Variants in ZNF527 observed in about 807,000 individuals in gnomAD.
The protein encoded by ZNF527 is zinc finger protein 527.
A neutral mutation model predicts 13.5 loss-of-function variants in ZNF527; 5 were observed. The observed-to-expected ratio is 0.37, with a 90% confidence interval of 0.19 to 0.78. ZNF527 has a LOEUF of 0.78. Among genes scored for constraint, ZNF527 ranks in the 30% least tolerant of loss-of-function variants. The pLI is 0.48. For missense variants in ZNF527, 628 were observed against 726.4 expected, an observed-to-expected ratio of 0.86 and a Z score of 1.56; for synonymous variants, 209 against 243.1, an observed-to-expected ratio of 0.86 and a Z score of 1.30.
intron 4 of ZNF527, among the ~76,000 whole-genome samples, chr19:37,382,964 C>T (rs191073582): frequency 9.9e-4 from 150 of 152,266 alleles, no homozygotes; most frequent in African/African-American, 3.5e-3. Context: ...GCCTTGGCCT[C>T]CCAAAGTGCT....
rs1209828972 is a variant in ZNF527, at chr19:37,388,743, T to C, written c.694T>C (p.Tyr232His). Residue 232 changes from tyrosine to histidine, a missense_variant, in exon 5 of 5, where the codon TAC becomes CAC. Tyr to His is a moderately conservative substitution (Grantham distance 83). Transcript: ENST00000436120. ...NECEEFNQST[Y>H]LSKDIGIPPG... ...ATGTGAAGAATTCAACCAGAGTACG[T>C]ACCTTAGTAAAGATATAGGAATTCC... The C allele has an allele frequency of 6.2e-7, 1 of 1,612,900 alleles. No homozygotes were observed. Among genetic ancestry groups the C allele is most frequent in the Non-Finnish European group, 8.5e-7 (1 of 1,179,768 alleles).
rs760419974 is a variant in ZNF527 at position 37,389,905 on chromosome 19, A to G, written c.*26A>G. 6.5e-7 allele frequency: 1 copy of G among 1,536,576 alleles called. No individual in the cohort carries two copies. ...TTATAACAAGTATAGGAAAGAAAAC[A>G]TGTGGTTACCACTCAATCCTTATTA... On this transcript the variant is annotated 3_prime_UTR_variant, in exon 5 of 5. Transcript: ENST00000436120.
intron 2 of ZNF527, among the ~76,000 whole-genome samples, 178 bp from the exon 3 acceptor site, chr19:37,378,942 G>C (rs2146810365): frequency 6.6e-6 from 1 of 152,244 alleles, no homozygotes; most frequent in East Asian, 1.9e-4. Flanking sequence ...CAAATGGTGA[G>C]TCTGTTTCTA....
At position 37,388,741 on chromosome 19, in the gene ZNF527, C is replaced by T. The variant is rs372823998; in HGVS notation, c.692C>T (p.Thr231Met). 249 of 1,612,772 alleles carry T rather than the reference C, an allele frequency of 1.5e-4. 2 individuals are homozygous for T. In the South Asian group the frequency reaches 2.5e-3, roughly 16 times the overall value. ...GNECEEFNQS[T>M]YLSKDIGIPP... ...GAATGTGAAGAATTCAACCAGAGTA[C>T]GTACCTTAGTAAAGATATAGGAATT... Residue 231 changes from threonine (T) to methionine (M), a missense_variant, in exon 5 of 5, where the codon ACG becomes ATG. This residue lies in a region of ZNF527 where 592 missense variants were observed against 678.0 expected (regional missense o/e 0.87). Coordinates refer to ENST00000436120, the MANE Select transcript of ZNF527 (RefSeq NM_032453.2).
chr19:37,382,281 A>ATAGG (rs1307497974), intron 4 of ZNF527, among the ~76,000 whole-genome samples: 1 of 120,666 alleles, frequency 8.3e-6, no homozygotes, highest in African/African-American at 3.2e-5. Flanking sequence ...AGATAGATAG[A>ATAGG]TAGGTAGATA....
At position 37,371,959 on chromosome 19, in the gene ZNF527, G is replaced by A. The variant is rs188582189; in HGVS notation, c.-42+733G>A. Among the ~76,000 whole-genome samples the A allele has an allele frequency of 9.9e-4, 150 of 150,976 alleles. 1 individual carries two copies. Among genetic ancestry groups the A allele is most frequent in the African/African-American group, 3.6e-3 (148 of 41,114 alleles). On this transcript the variant is annotated intron_variant, in intron 1 of 4. Transcript: ENST00000436120. ...ACACAGTTAACAAGTGACAGCACCAGAACTCAAACCCAAGCAGTTTAGCTC... is the reference window on the plus strand; with the variant it reads ...ACACAGTTAACAAGTGACAGCACCAAAACTCAAACCCAAGCAGTTTAGCTC...
At chr19:37,383,298 C>T (rs1291394743) in intron 4 of ZNF527, among the ~76,000 whole-genome samples, 1 of 152,014 alleles carries the variant, frequency 6.6e-6, no homozygotes, top group Non-Finnish European at 1.5e-5. Flanking sequence ...TGCAATGGCA[C>T]GATCTTGGCT....
rs1191944234 is a variant in ZNF527, at chr19:37,388,611, C to G, written c.562C>G (p.Gln188Glu). 1 of 1,614,034 alleles carries G rather than the reference C, an allele frequency of 6.2e-7. No individual in the cohort carries two copies. The highest frequency in any genetic ancestry group is 8.5e-7 in the Non-Finnish European group (1 of 1,179,950). ...AACACAACAGAAAGTTCCTACCATA[C>G]AGCAAGTACATAAATTTGATATTTA... ...FLTQQKVPTI[Q>E]QVHKFDIYDK... Residue 188 changes from glutamine to glutamate, a missense_variant, in exon 5 of 5, where the codon CAG becomes GAG. By Grantham distance (29) the Gln-to-Glu change is conservative. Around this residue, in one of 3 missense-constraint regions of ZNF527, gnomAD observed 592 missense variants for 678.0 expected, o/e 0.87. Coordinates refer to ENST00000436120, the MANE Select transcript of ZNF527 (RefSeq NM_032453.2).
intron 4 of ZNF527, among the ~76,000 whole-genome samples, chr19:37,384,707 C>T (rs1354591525): frequency 2.6e-5 from 4 of 152,102 alleles, no homozygotes; most frequent in African/African-American, 9.7e-5. Flanking sequence ...TTAATATTGT[C>T]TAAGTGAAAT....
chr19:37,390,029 T>A lies in ZNF527; in HGVS notation c.*150T>A. On this transcript the variant is annotated 3_prime_UTR_variant, in exon 5 of 5. Transcript: ENST00000436120. The stretch of plus-strand genomic sequence containing the variant: ...TTGAAGTAGCTCAGTAGTAGACATC[T>A]GTTACTTTTTTTTTTTTCAGACAGA... The A allele has an allele frequency of 9.7e-7, 1 of 1,026,520 alleles. No individual in the cohort carries two copies. 63.6% of individuals were successfully genotyped at this position (1,026,520 alleles called of 1,614,324 possible).
chr19:37,382,996 C>T (rs935803581), intron 4 of ZNF527, among the ~76,000 whole-genome samples: 27 of 152,050 alleles, frequency 1.8e-4, no homozygotes, highest in African/African-American at 6.0e-4. Context: ...TATGAGCCAC[C>T]ATGCCCGGCC....
At chr19:37,387,850 A>G (rs2040712867) in intron 4 of ZNF527, among the ~76,000 whole-genome samples, 1 of 152,208 alleles carries the variant, frequency 6.6e-6, no homozygotes, top group African/African-American at 2.4e-5. Context: ...ACATGCTGAC[A>G]TTGTCTGAGG....
At position 37,388,259 on chromosome 19, in the gene ZNF527, C is replaced by T. The variant is rs139720187; in HGVS notation, c.257-47C>T. 1.5e-5 allele frequency: 24 copies of T among 1,572,528 alleles called. No homozygotes were observed. The Middle Eastern group carries it at 8.6e-4, about 56-fold the overall frequency. Reference sequence around the variant, plus strand: ...TTTCTTCTCTAACAATTTTCTTCCTCATAGCAAAAGAACAAAGGAGACATT... The same window carrying T: ...TTTCTTCTCTAACAATTTTCTTCCTTATAGCAAAAGAACAAAGGAGACATT... On this transcript the variant is annotated intron_variant, in intron 4 of 4. Transcript: ENST00000436120.
At chr19:37,386,693 A>C (rs542640538) in intron 4 of ZNF527, among the ~76,000 whole-genome samples, 1 of 152,208 alleles carries the variant, frequency 6.6e-6, no homozygotes, top group Admixed American at 6.5e-5. Flanking sequence ...TAGTGGTTGG[A>C]GCTCCAGGCA....
intron 4 of ZNF527, among the ~76,000 whole-genome samples, chr19:37,382,338 C>G (rs938822275): frequency 6.6e-6 from 1 of 151,918 alleles, no homozygotes; most frequent in Non-Finnish European, 1.5e-5. Context: ...GATATTTACA[C>G]ACACACCCCT....
In ZNF527 at chr19:37,391,666, CAA is replaced by C. The variant is rs1409766146; in HGVS notation, c.*1789_*1790del. The C allele has an allele frequency of 6.6e-6, 1 of 151,638 alleles. No homozygotes were observed. The highest frequency in any genetic ancestry group is 1.5e-5 in the Non-Finnish European group (1 of 67,928). 9.4% of individuals were successfully genotyped at this position (151,638 alleles called of 1,614,324 possible). A position where few individuals can be genotyped will look rare whatever the true frequency, so the allele number is the denominator to read the frequency against. The stretch of plus-strand genomic sequence containing the variant: ...CTTCTTTGCAGCTAGAGATATCAAA[CAA>C]AGATATTGCTGGCAGAAAGAATGAG... On this transcript the variant is annotated 3_prime_UTR_variant, in exon 5 of 5. Coordinates refer to ENST00000436120, the MANE Select transcript of ZNF527 (RefSeq NM_032453.2).
At chr19:37,386,209 C>T (rs961437738) in intron 4 of ZNF527, among the ~76,000 whole-genome samples, 2 of 119,600 alleles carry the variant, frequency 1.7e-5, no homozygotes, top group Admixed American at 1.2e-4. Flanking sequence ...GTGGCGTGAT[C>T]TTGGCTCACT....
chr19:37,381,133 G>T (rs73930981), intron 4 of ZNF527, among the ~76,000 whole-genome samples: 51 of 152,234 alleles, frequency 3.4e-4, no homozygotes, highest in African/African-American at 1.2e-3. Flanking sequence ...TAGCTGTGCT[G>T]TGCATATGGC....
rs773000234 is a variant in ZNF527 at position 37,389,786 on chromosome 19, A to G, written c.1737A>G (p.Glu579=). Residue 579 remains glutamate, a synonymous_variant, in exon 5 of 5, where the codon GAA becomes GAG. Transcript: ENST00000436120. The part of the protein sequence containing the change: ...LRLHQRIHAG[E]KPYKCNECGN... ...TACACCAGAGAATTCACGCTGGAGA[A>G]AAACCTTATAAATGTAACGAATGTG... is the stretch of plus-strand genomic sequence containing the variant. 3.7e-6 allele frequency: 6 copies of G among 1,613,518 alleles called. No individual in the cohort carries two copies. The Admixed American group carries it at 8.3e-5, about 22-fold the overall frequency.
Sources: gnomAD v4.1 joint callset for allele counts (sites outside exome capture counted in the v4.1 genomes callset) on GRCh38, gnomAD v4.1.1 for gene constraint, gnomAD v4.1.1 regional missense constraint, MANE v1.5 for transcripts, NCBI Gene and HGNC (gene_info 2026-07-23, HGNC 2026-07-21) for gene names.